MAX: variants seen among roughly 807,000 people sequenced by gnomAD.
MAX encodes protein max.
Under a neutral mutation model 22.3 loss-of-function variants are expected in MAX, and 3 were observed. That is an observed-to-expected ratio of 0.13 (90% CI 0.06 to 0.35). The LOEUF (loss-of-function observed/expected upper bound fraction) is 0.35. Among genes scored for constraint, MAX ranks in the 10% least tolerant of loss-of-function variants. MAX has a pLI of 1.00. For synonymous variants in MAX, 72 were observed against 77.7 expected, an observed-to-expected ratio of 0.93 and a Z score of 0.39; for missense variants, 119 against 209.4, an observed-to-expected ratio of 0.57 and a Z score of 2.66.
Position 65,093,424 on chromosome 14 carries a change from G to A in MAX, c.171+284C>T. Reference sequence around the variant, plus strand: ...TCTTGGCCACTCTTTATACTATAGTGTATAGTTATAATTTCTTGAATTTAT... The same window carrying A: ...TCTTGGCCACTCTTTATACTATAGTATATAGTTATAATTTCTTGAATTTAT... On this transcript the variant is annotated intron_variant, in intron 3 of 4. Transcript: ENST00000358664. The surrounding 1 kb of genome is among the most constrained non-coding windows in gnomAD (Gnocchi z 4.4). 2.3e-6 allele frequency: 1 copy of A among 435,168 alleles called. No individual in the cohort carries two copies. Among genetic ancestry groups the A allele is most frequent in the Non-Finnish European group, 4.3e-6 (1 of 233,986 alleles). 27.0% of individuals were successfully genotyped at this position (435,168 alleles called of 1,614,324 possible).
At chr14:65,006,573 G>C (rs2061595352) in intron 3 of MAX, among the ~76,000 whole-genome samples, 1 of 152,170 alleles carries the variant, frequency 6.6e-6, no homozygotes, top group African/African-American at 2.4e-5. Context: ...GTGAGGGTGT[G>C]GGTGATTGCT....
At chr14:65,067,500 C>T (rs1042636297) in intron 3 of MAX, among the ~76,000 whole-genome samples, 3 of 152,096 alleles carry the variant, frequency 2.0e-5, no homozygotes, top group African/African-American at 4.8e-5. Flanking sequence ...TTGGTTTTGA[C>T]GGTTTCTCAT....
In MAX at chr14:65,077,315, GA is replaced by G; in HGVS notation, c.295+597del. ...TAATTTATTTTATTTTATTTTATTT[GA>G]GGTTTTCTAACCCAGGTGGTTACTT... On this transcript the variant is annotated intron_variant, in intron 4 of 4. Coordinates refer to ENST00000358664, the MANE Select transcript of MAX (RefSeq NM_002382.5). This position sits in a 1 kb window ranked among gnomAD's most constrained non-coding sequence, Gnocchi z 6.3. 1 of 1,479,692 alleles carries G rather than the reference GA, an allele frequency of 6.8e-7. No individual in the cohort carries two copies. The highest frequency in any genetic ancestry group is 9.4e-7 in the Non-Finnish European group (1 of 1,059,766). 91.7% of individuals were successfully genotyped at this position (1,479,692 alleles called of 1,614,324 possible). A position where few individuals can be genotyped will look rare whatever the true frequency, so the allele number is the denominator to read the frequency against.
At position 65,044,472 on chromosome 14, in the gene MAX, C is replaced by T; in HGVS notation, c.172-38188G>A. On this transcript the variant is annotated intron_variant, in intron 3 of 3. Transcript: ENST00000341653. The surrounding 1 kb of genome is among the most constrained non-coding windows in gnomAD (Gnocchi z 5.5). ...AGCCTGGGGAGCTGTTCACTTGGGG[C>T]TGGATGATTTCCCTCCACTACTCAC... 1 of 1,581,480 alleles carries T rather than the reference C, an allele frequency of 6.3e-7. No individual in the cohort carries two copies. The highest frequency in any genetic ancestry group is 8.6e-7 in the Non-Finnish European group (1 of 1,168,164).
chr14:65,040,777 A>C (rs1211494488), intron 3 of MAX: 3 of 1,609,550 alleles, frequency 1.9e-6, no homozygotes, highest in Non-Finnish European at 2.5e-6. Flanking sequence ...TGCTTTTCTC[A>C]ATCTCTTCTT....
Position 65,079,782 on chromosome 14 carries a change from C to G in MAX, c.172-1746G>C, listed in dbSNP as rs1193641290. On this transcript the variant is annotated intron_variant, in intron 3 of 4. Transcript: ENST00000358664. The surrounding 1 kb of genome is among the most constrained non-coding windows in gnomAD (Gnocchi z 4.5). ...CTCAATTTATAGGCCTCAGTTTGGG[C>G]TGAGTTTCAGAAAGGTTTGTAAGGC... 1.3e-5 allele frequency among the ~76,000 whole-genome samples: 2 copies of G among 152,208 alleles called. No individual in the cohort carries two copies. Among genetic ancestry groups the G allele is most frequent in the African/African-American group, 4.8e-5 (2 of 41,452 alleles).
chr14:65,077,784 A>G lies in MAX; in HGVS notation c.295+129T>C. 1 of 1,613,852 alleles carries G rather than the reference A, an allele frequency of 6.2e-7. No individual in the cohort carries two copies. Among genetic ancestry groups the G allele is most frequent in the Non-Finnish European group, 8.5e-7 (1 of 1,179,952 alleles). On this transcript the variant is annotated intron_variant, in intron 4 of 4. Transcript: ENST00000358664. This position sits in a 1 kb window ranked among gnomAD's most constrained non-coding sequence, Gnocchi z 6.3. Reference sequence around the variant, plus strand: ...CTAACACTCAGTTACTCAGGCCCCAAGAAGCAGGACCAAGCCTGCTACTGA... The same window carrying G: ...CTAACACTCAGTTACTCAGGCCCCAGGAAGCAGGACCAAGCCTGCTACTGA...
chr14:65,033,563 T>C (rs2062127658), intron 3 of MAX, among the ~76,000 whole-genome samples: 1 of 152,138 alleles, frequency 6.6e-6, no homozygotes, highest in Admixed American at 6.6e-5. Context: ...TATTTCATAG[T>C]TTAAAAAAAG....
At chr14:65,008,693 A>G (rs3783720) in intron 3 of MAX, among the ~76,000 whole-genome samples, 37,530 of 152,206 alleles carry the variant, frequency 0.25, 4,838 homozygotes, top group Non-Finnish European at 0.3. Context: ...AGGAGACTGA[A>G]AGGAGCGGAG....
intron 3 of MAX, chr14:65,021,925 C>G: frequency 2.2e-6 from 1 of 456,028 alleles, no homozygotes; most frequent in Non-Finnish European, 4.4e-6. Flanking sequence ...GGATTATAGG[C>G]GTGAGCCACT....
At chr14:65,040,769 C>T (rs1172419563) in intron 3 of MAX, 18 of 1,608,766 alleles carry the variant, frequency 1.1e-5, no homozygotes, top group Non-Finnish European at 1.4e-5. Context: ...ACTCATTCTG[C>T]TTTTCTCAAT....
upstream of MAX, chr14:65,102,666 A>T (rs1416461979): frequency 1.1e-5 from 10 of 877,508 alleles, no homozygotes; most frequent in Non-Finnish European, 1.4e-5. Flanking sequence ...CCCGGAAGAA[A>T]CCGCATCCAG....
Position 65,076,283 on chromosome 14 carries a change from C to A in MAX, c.*193G>T. The A allele has an allele frequency of 6.9e-7, 1 of 1,449,984 alleles. No individual in the cohort carries two copies. Among genetic ancestry groups the A allele is most frequent in the Non-Finnish European group, 9.0e-7 (1 of 1,108,058 alleles). The allele number at this position is 1,449,984 out of a possible 1,614,324, so 89.8% of individuals were successfully genotyped here. A position where few individuals can be genotyped will look rare whatever the true frequency, so the allele number is the denominator to read the frequency against. On this transcript the variant is annotated 3_prime_UTR_variant, in exon 5 of 5. Transcript: ENST00000358664. This position sits in a 1 kb window ranked among gnomAD's most constrained non-coding sequence, Gnocchi z 6.6. ...TGAAGGGAATACATTAAAAAATATA[C>A]AGTGGAAATGGGGAAGGAGAACGAG...
intron 3 of MAX, chr14:65,083,990 G>A: frequency 6.8e-7 from 1 of 1,467,980 alleles, no homozygotes; most frequent in African/African-American, 1.4e-5. Context: ...GCCAGCAAAG[G>A]AGGCTGGAAG....
rs546067454 is a variant in MAX, at chr14:65,046,031, A to C, written c.172-39747T>G. Among the ~76,000 whole-genome samples the C allele has an allele frequency of 3.9e-5, 6 of 152,254 alleles. No individual in the cohort carries two copies. In the South Asian group the frequency reaches 6.2e-4, roughly 16 times the overall value. On this transcript the variant is annotated intron_variant, in intron 3 of 3. Transcript: ENST00000341653. ...AGACGGAGTTTCACTCTTGTTGCCC[A>C]GGCCGGAGTGCAATGGATCACTGCA... is the stretch of plus-strand genomic sequence containing the variant.
intron 3 of MAX, among the ~76,000 whole-genome samples, chr14:65,020,738 T>G (rs2061870791): frequency 6.7e-6 from 1 of 148,850 alleles, no homozygotes; most frequent in African/African-American, 2.5e-5. Flanking sequence ...CCGGCCTTTT[T>G]TTTTTTTTTT....
chr14:65,053,635 C>CA (rs1189039450), intron 3 of MAX, among the ~76,000 whole-genome samples: 45 of 147,046 alleles, frequency 3.1e-4, no homozygotes, highest in Admixed American at 1.9e-3. Flanking sequence ...TTAAAAAAAA[C>CA]AAAAAAAAAC....
In MAX at chr14:65,068,868, C is replaced by T. The variant is rs1271617852; in HGVS notation, c.171+24840G>A. Reference sequence around the variant, plus strand: ...CATGTTGGTTACCCCGAGTGTGAGACTTCATTGCTACCTTCTGTACCCATG... The same window carrying T: ...CATGTTGGTTACCCCGAGTGTGAGATTTCATTGCTACCTTCTGTACCCATG... On this transcript the variant is annotated intron_variant, in intron 3 of 3. Coordinates refer to the MAX transcript ENST00000341653. Among the ~76,000 whole-genome samples, 5 of 152,290 alleles carry T rather than the reference C, an allele frequency of 3.3e-5. No homozygotes were observed. The South Asian group carries it at 1.0e-3, about 32-fold the overall frequency.
chr14:65,018,660 A>C (rs1391769683), intron 3 of MAX, among the ~76,000 whole-genome samples: 1 of 149,022 alleles, frequency 6.7e-6, no homozygotes, highest in Admixed American at 6.7e-5. Context: ...AAATATAAAA[A>C]TTAGCCTGGC....
Sources: allele counts gnomAD v4.1 joint callset (sites outside exome capture counted in the v4.1 genomes callset), GRCh38; gene constraint gnomAD v4.1.1; non-coding constraint Gnocchi (gnomAD v3.1); transcripts MANE v1.5; gene names NCBI Gene and HGNC (gene_info 2026-07-23, HGNC 2026-07-21).